The following TMEM87B variants were observed in gnomAD, a reference collection of about 807,000 sequenced individuals.
TMEM87B encodes the protein transmembrane protein 87B.
Under a neutral mutation model 80.3 loss-of-function variants are expected in TMEM87B, and 83 were observed. That is an observed-to-expected ratio of 1.03 (90% confidence interval 0.87 to 1.24). The LOEUF (loss-of-function observed/expected upper bound fraction) is 1.24. TMEM87B is among the 50% of genes most tolerant of loss of function. The probability of loss-of-function intolerance (pLI) is 0.00; values close to 1 mark genes in which losing one functional copy is unlikely to be tolerated. For synonymous variants in TMEM87B, 219 were observed against 230.5 expected, an observed-to-expected ratio of 0.95 and a Z score of 0.45; for missense variants, 625 against 674.4, an observed-to-expected ratio of 0.93 and a Z score of 0.81.
intron 1 of TMEM87B, among the ~76,000 whole-genome samples, chr2:112,058,659 G>T (rs4848979): frequency 0.28 from 42,433 of 152,146 alleles, 6,139 homozygotes; most frequent in Middle Eastern, 0.43. Flanking sequence ...GCCATTGAAA[G>T]ATCTTAGACA....
At chr2:112,059,062 A>G (rs1220206838) in intron 1 of TMEM87B, among the ~76,000 whole-genome samples, 11 of 152,232 alleles carry the variant, frequency 7.2e-5, no homozygotes, top group African/African-American at 2.7e-4. Context: ...TGGAGCTCAA[A>G]GGAAGGATCC....
intron 15 of TMEM87B, 182 bp from the exon 16 acceptor site, chr2:112,105,820 G>C: frequency 2.3e-6 from 1 of 435,516 alleles, no homozygotes; most frequent in Non-Finnish European, 3.9e-6. Context: ...AAAAATCTGT[G>C]AACTTTTTTC....
chr2:112,082,671 T>TGTGTGC (rs751742710), intron 8 of TMEM87B, among the ~76,000 whole-genome samples: 8 of 151,622 alleles, frequency 5.3e-5, no homozygotes, highest in Non-Finnish European at 8.8e-5. Context: ...TGTGTGTGTG[T>TGTGTGC]GTGTGCGTGT....
chr2:112,059,836 G>C (rs754006667), intron 1 of TMEM87B, 141 bp from the exon 2 acceptor site: 38 of 1,138,314 alleles, frequency 3.3e-5, no homozygotes, highest in Middle Eastern at 2.4e-4. Context: ...AAGCAAGTTA[G>C]TGATGTGATC....
chr2:112,094,344 G>T (rs1176751027), intron 11 of TMEM87B, among the ~76,000 whole-genome samples: 1 of 151,902 alleles, frequency 6.6e-6, no homozygotes, highest in Non-Finnish European at 1.5e-5. Context: ...TGTATTTTTA[G>T]TAGATACGGG....
At chr2:112,100,809 A>G (rs1402039283) in intron 15 of TMEM87B, 114 bp downstream of exon 15, 1 of 576,408 alleles carries the variant, frequency 1.7e-6, no homozygotes, top group Non-Finnish European at 2.8e-6. Flanking sequence ...AAATATTTTA[A>G]AAACTTTTAT....
intron 9 of TMEM87B, among the ~76,000 whole-genome samples, chr2:112,086,815 G>A (rs1212120212): frequency 6.6e-6 from 1 of 152,122 alleles, no homozygotes; most frequent in Non-Finnish European, 1.5e-5. Flanking sequence ...CAGGAGCCAT[G>A]TGCATGACCC....
At chr2:112,058,955 G>A (rs928640535) in intron 1 of TMEM87B, among the ~76,000 whole-genome samples, 6 of 152,214 alleles carry the variant, frequency 3.9e-5, no homozygotes, top group African/African-American at 1.2e-4. Context: ...TGTAGGAAAA[G>A]TTGGTGAGCA....
Position 112,097,073 on chromosome 2 carries a change from G to A in TMEM87B, c.1134G>A (p.Lys378=). ...FIFISLAQTM[K]TLRLRKNTVK... is the part of the protein sequence containing the mutation. ...TTATTAGTTTGGCACAAACTATGAA[G>A]ACCCTAAGGCTAAGAAAGAACACTG... The change falls in exon 12 of 19, where the codon AAG becomes AAA. Residue 378 remains lysine, a synonymous_variant. Transcript: ENST00000283206. 1 of 1,599,858 alleles carries A rather than the reference G, an allele frequency of 6.3e-7. No individual in the cohort carries two copies.
At chr2:112,082,851 C>T (rs748938869) in intron 8 of TMEM87B, among the ~76,000 whole-genome samples, 10 of 152,196 alleles carry the variant, frequency 6.6e-5, no homozygotes, top group South Asian at 6.2e-4. Flanking sequence ...TAGTGAGGAG[C>T]AGCAAAAACC....
chr2:112,093,667 C>T (rs1679372257), intron 11 of TMEM87B, among the ~76,000 whole-genome samples: 1 of 152,068 alleles, frequency 6.6e-6, no homozygotes, highest in Admixed American at 6.5e-5. Context: ...TAAATATCTT[C>T]CTCTGGTGTC....
Position 112,100,627 on chromosome 2 carries a change from C to T in TMEM87B, c.1382C>T (p.Ala461Val), listed in dbSNP as rs147794240. ...WRPSANNQRY[A>V]FMPLIDDSDD... Reference sequence around the variant, plus strand: ...ACTCCTTGTTTTTGCTATAGATATGCCTTCATGCCCTTAATAGATGATTCT... The same window carrying T: ...ACTCCTTGTTTTTGCTATAGATATGTCTTCATGCCCTTAATAGATGATTCT... The change falls in exon 15 of 19, where the codon GCC becomes GTC. Residue 461 changes from alanine (A) to valine (V), a missense_variant. Coordinates refer to ENST00000283206, the MANE Select transcript of TMEM87B (RefSeq NM_032824.3). 4 of 1,606,328 alleles carry T rather than the reference C, an allele frequency of 2.5e-6. No individual in the cohort carries two copies. Among genetic ancestry groups the T allele is most frequent in the Non-Finnish European group, 3.4e-6 (4 of 1,175,166 alleles).
At chr2:112,082,060 C>A (rs1679013959) in intron 8 of TMEM87B, among the ~76,000 whole-genome samples, 1 of 152,124 alleles carries the variant, frequency 6.6e-6, no homozygotes, top group African/African-American at 2.4e-5. Context: ...GTGAAGCAGG[C>A]AGGCCATACA....
intron 10 of TMEM87B, 91 bp downstream of exon 10, chr2:112,089,809 A>C: frequency 7.9e-7 from 1 of 1,265,782 alleles, no homozygotes; most frequent in Non-Finnish European, 1.1e-6. Flanking sequence ...TTTAGATAGA[A>C]ACTTGTGAAA....
Position 112,064,946 on chromosome 2 carries a change from A to C in TMEM87B, c.318+693A>C, listed in dbSNP as rs752203111. On this transcript the variant is annotated intron_variant, in intron 3 of 18. Coordinates refer to ENST00000283206, the MANE Select transcript of TMEM87B (RefSeq NM_032824.3). ...TCTATACATATACATATATGTGTACATATACCTATACATGTATATGCATGT... is the reference window on the plus strand; with the variant it reads ...TCTATACATATACATATATGTGTACCTATACCTATACATGTATATGCATGT... 9.2e-5 allele frequency among the ~76,000 whole-genome samples: 14 copies of C among 152,274 alleles called. No individual in the cohort carries two copies. The East Asian group carries it at 1.9e-3, about 21-fold the overall frequency.
chr2:112,063,876 ATGTT>A (rs1426585879), intron 2 of TMEM87B, among the ~76,000 whole-genome samples: 3 of 152,192 alleles, frequency 2.0e-5, no homozygotes, highest in African/African-American at 7.2e-5. Flanking sequence ...AGTGAGAAAA[ATGTT>A]TGAGAGTGAA....
rs373314055 is a variant in TMEM87B at position 112,097,018 on chromosome 2, G to T, written c.1105-26G>T. On this transcript the variant is annotated intron_variant, in intron 11 of 18. Transcript: ENST00000283206. ...TTTTTTAACCTCTTATTATTACTTGGAATGTTTTTCCTTAACTTTTTTCAC... is the reference window on the plus strand; with the variant it reads ...TTTTTTAACCTCTTATTATTACTTGTAATGTTTTTCCTTAACTTTTTTCAC... The T allele has an allele frequency of 4.0e-5, 58 of 1,435,620 alleles. No individual in the cohort carries two copies. In the African/African-American group the frequency reaches 7.0e-4, roughly 17 times the overall value. The allele number at this position is 1,435,620 out of a possible 1,614,324, so 88.9% of individuals were successfully genotyped here. A position where few individuals can be genotyped will look rare whatever the true frequency, so the allele number is the denominator to read the frequency against.
chr2:112,100,508 A>C (rs1679599952), intron 14 of TMEM87B, 114 bp from the exon 15 acceptor site: 1 of 612,670 alleles, frequency 1.6e-6, no homozygotes, highest in South Asian at 2.2e-5. Context: ...TCATTATTTT[A>C]AAGTATAAGA....
chr2:112,116,362 C>T lies in TMEM87B; in HGVS notation c.*219C>T. On this transcript the variant is annotated 3_prime_UTR_variant, in exon 19 of 19. Transcript: ENST00000283206. ...TCCATTAAATTGGATTTGGAAATAA[C>T]CTGAGGAAAGTATTATGATAAAGAT... 1 of 481,674 alleles carries T rather than the reference C, an allele frequency of 2.1e-6. No homozygotes were observed. The highest frequency in any genetic ancestry group is 3.3e-5 in the East Asian group (1 of 29,898). 29.8% of individuals were successfully genotyped at this position (481,674 alleles called of 1,614,324 possible). A position where few individuals can be genotyped will look rare whatever the true frequency, so the allele number is the denominator to read the frequency against.
Sources: gnomAD v4.1 joint callset for allele counts (sites outside exome capture counted in the v4.1 genomes callset) on GRCh38, gnomAD v4.1.1 for gene constraint, MANE v1.5 for transcripts, NCBI Gene and HGNC (gene_info 2026-07-23, HGNC 2026-07-21) for gene names.